GALNT2: variants seen among roughly 807,000 people sequenced by gnomAD.
GALNT2 encodes polypeptide N-acetylgalactosaminyltransferase 2.
GALNT2 carries 31 observed loss-of-function variants against 81.4 expected under a neutral mutation model. The ratio of observed to expected loss-of-function variants is 0.38; its 90% CI spans 0.29 to 0.51. The LOEUF is 0.51. Ranked by LOEUF, GALNT2 falls within the 20% of genes least tolerant of loss-of-function variation. The pLI is 0.87. For missense variants in GALNT2, 629 were observed against 765.7 expected, an observed-to-expected ratio of 0.82 and a Z score of 2.11; for synonymous variants, 303 against 287.4, an observed-to-expected ratio of 1.05 and a Z score of -0.55.
chr1:230,081,040 T>G (rs887633423), intron 1 of GALNT2, among the ~76,000 whole-genome samples: 9 of 152,288 alleles, frequency 5.9e-5, no homozygotes, highest in Non-Finnish European at 1.2e-4. Flanking sequence ...AGAGCCAGCC[T>G]CCTCTGCCAG....
At chr1:230,158,795 A>G (rs1428318042) in intron 1 of GALNT2, among the ~76,000 whole-genome samples, 1 of 152,218 alleles carries the variant, frequency 6.6e-6, no homozygotes, top group Non-Finnish European at 1.5e-5. Flanking sequence ...CATCACAGAT[A>G]AAGATTTTGT....
chr1:230,262,798 C>A (rs1665918664), intron 12 of GALNT2, 124 bp from the exon 13 acceptor site: 1 of 1,278,204 alleles, frequency 7.8e-7, no homozygotes, highest in Non-Finnish European at 1.1e-6. Context: ...GGCACAGGAG[C>A]ATGGGCAGTC....
intron 3 of GALNT2, among the ~76,000 whole-genome samples, chr1:230,234,234 G>A (rs1356786710): frequency 6.6e-6 from 1 of 152,088 alleles, no homozygotes; most frequent in Non-Finnish European, 1.5e-5. Context: ...TCAGATAAGA[G>A]AACTTGAGAC....
intron 3 of GALNT2, among the ~76,000 whole-genome samples, chr1:230,214,432 CTT>C (rs1421313075): frequency 6.6e-6 from 1 of 152,150 alleles, no homozygotes; most frequent in Non-Finnish European, 1.5e-5. Context: ...TTTGAAGAGT[CTT>C]TTCACTGACT....
chr1:230,090,036 C>T (rs919900662), intron 1 of GALNT2, among the ~76,000 whole-genome samples: 1 of 152,192 alleles, frequency 6.6e-6, no homozygotes, highest in Non-Finnish European at 1.5e-5. Context: ...TCCAGTTTCT[C>T]CACATCCTCA....
At chr1:230,082,593 A>G (rs1293691983) in intron 1 of GALNT2, among the ~76,000 whole-genome samples, 4 of 152,204 alleles carry the variant, frequency 2.6e-5, no homozygotes, top group Non-Finnish European at 4.4e-5. Flanking sequence ...CTTCTGTATC[A>G]TTTATTTATT....
chr1:230,122,013 T>C (rs1661032261), intron 1 of GALNT2, among the ~76,000 whole-genome samples: 1 of 149,488 alleles, frequency 6.7e-6, no homozygotes, highest in African/African-American at 2.5e-5. Context: ...CCTTGAACTC[T>C]TGGGCTCAAC....
upstream of GALNT2, among the ~76,000 whole-genome samples, chr1:230,065,490 C>A (rs1194487945): frequency 6.6e-6 from 1 of 152,090 alleles, no homozygotes. Context: ...TGTGGTATTA[C>A]AATTTTCTTA....
chr1:230,274,543 C>T lies in GALNT2; in HGVS notation c.1539C>T (p.Cys513=). ...APGSLIKLQG[C]RENDSRQKWE... ...GCTCTCTTATAAAGCTGCAGGGCTGCCGAGAAAATGACAGCAGACAGGTAC... is the reference window on the plus strand; with the variant it reads ...GCTCTCTTATAAAGCTGCAGGGCTGTCGAGAAAATGACAGCAGACAGGTAC... Residue 513 remains cysteine (C), a synonymous_variant, in exon 15 of 16, where the codon TGC becomes TGT. Transcript: ENST00000366672. The T allele has an allele frequency of 6.2e-7, 1 of 1,613,994 alleles. No homozygotes were observed. The highest frequency in any genetic ancestry group is 8.5e-7 in the Non-Finnish European group (1 of 1,179,916).
intron 3 of GALNT2, among the ~76,000 whole-genome samples, chr1:230,222,483 C>T (rs1434563199): frequency 6.6e-6 from 1 of 151,236 alleles, no homozygotes; most frequent in Non-Finnish European, 1.5e-5. Flanking sequence ...TGTAAATGAC[C>T]GCTATTATTA....
chr1:230,198,187 C>CTTT (rs1663764169), intron 2 of GALNT2, among the ~76,000 whole-genome samples: 1 of 152,212 alleles, frequency 6.6e-6, no homozygotes, highest in South Asian at 2.1e-4. Flanking sequence ...AAGCCCTTAA[C>CTTT]AGGTGCTTGT....
intron 1 of GALNT2, among the ~76,000 whole-genome samples, chr1:230,155,289 GT>G (rs1662214014): frequency 6.6e-6 from 1 of 152,126 alleles, no homozygotes; most frequent in Non-Finnish European, 1.5e-5. Context: ...CCTGTTCTTC[GT>G]TGGCTGCCTA....
intron 8 of GALNT2, among the ~76,000 whole-genome samples, chr1:230,247,660 G>T (rs1237939741): frequency 1.3e-5 from 2 of 152,156 alleles, no homozygotes; most frequent in African/African-American, 4.8e-5. Flanking sequence ...TTCTCCCAAA[G>T]CAGCTGCGTA....
chr1:230,165,573 G>T (rs1474111151), intron 1 of GALNT2, among the ~76,000 whole-genome samples: 1 of 152,218 alleles, frequency 6.6e-6, no homozygotes, highest in Non-Finnish European at 1.5e-5. Context: ...TTCCGATAAG[G>T]TTTAATTTAC....
intron 1 of GALNT2, among the ~76,000 whole-genome samples, chr1:230,163,172 A>G (rs1429258815): frequency 6.6e-6 from 1 of 152,180 alleles, no homozygotes; most frequent in Non-Finnish European, 1.5e-5. Context: ...TAAAACAACA[A>G]CAACAACAAC....
At chr1:230,274,637 C>T (rs779664094) in intron 15 of GALNT2, 73 bp downstream of exon 15, 86 of 1,576,278 alleles carry the variant, frequency 5.5e-5, no homozygotes, top group Middle Eastern at 2.1e-4. Context: ...CGCCCTCTTG[C>T]TCTGTGCTGC....
intron 3 of GALNT2, among the ~76,000 whole-genome samples, chr1:230,234,392 G>A (rs1304181480): frequency 6.6e-6 from 1 of 152,186 alleles, no homozygotes; most frequent in Non-Finnish European, 1.5e-5. Context: ...ATAATTTGGG[G>A]TATCATTTTC....
chr1:230,256,147 G>A (rs377065918), intron 11 of GALNT2, among the ~76,000 whole-genome samples: 1 of 152,206 alleles, frequency 6.6e-6, no homozygotes, highest in South Asian at 2.1e-4. Flanking sequence ...CCTCTTAAAG[G>A]CCTCACCTCG....
At chr1:230,097,008 C>T (rs1342652646) in intron 1 of GALNT2, among the ~76,000 whole-genome samples, 2 of 152,188 alleles carry the variant, frequency 1.3e-5, no homozygotes, top group Non-Finnish European at 2.9e-5. Context: ...TACTAAGTTA[C>T]TGTCCAAAGC....
Sources: gnomAD v4.1 joint callset for allele counts (sites outside exome capture counted in the v4.1 genomes callset) on GRCh38, gnomAD v4.1.1 for gene constraint, MANE v1.5 for transcripts, NCBI Gene and HGNC (gene_info 2026-07-23, HGNC 2026-07-21) for gene names.